IL1RAPL1: variants seen among roughly 807,000 people sequenced by gnomAD.
IL1RAPL1 encodes interleukin 1 receptor accessory protein like 1.
A neutral mutation model predicts 48.4 loss-of-function variants in IL1RAPL1; 3 were observed. The observed-to-expected ratio is 0.06, with a 90% CI of 0.03 to 0.16. IL1RAPL1 has a LOEUF of 0.16. IL1RAPL1 is among the 10% of genes least tolerant of loss of function. IL1RAPL1 has a pLI of 1.00. For missense variants in IL1RAPL1, 349 were observed against 530.6 expected (o/e 0.66, Z 3.36); for synonymous variants, 185 against 187.7 (o/e 0.99, Z 0.12).
intron 2 of IL1RAPL1, among the ~76,000 whole-genome samples, chrX:29,014,948 A>G (rs1003083743): frequency 2.7e-5 from 3 of 111,546 alleles, no homozygotes; most frequent in Non-Finnish European, 5.7e-5. Flanking sequence ...CCAAAGAAAC[A>G]CTGCTTTCAT....
chrX:28,772,546 T>C (rs1936321259), intron 1 of IL1RAPL1, among the ~76,000 whole-genome samples: 1 of 111,767 alleles, frequency 8.9e-6, no homozygotes, highest in South Asian at 3.7e-4. Flanking sequence ...CCCATCATGC[T>C]GTAAAACATT....
In IL1RAPL1 at chrX:29,510,412, A is replaced by T. The variant is rs187701921; in HGVS notation, c.703+111104A>T. Among the ~76,000 whole-genome samples, 5 of 112,467 alleles carry T rather than the reference A, an allele frequency of 4.4e-5. No individual in the cohort carries two copies. In the East Asian group the frequency reaches 1.4e-3, roughly 31 times the overall value. On this transcript the variant is annotated intron_variant, in intron 5 of 10. Coordinates refer to ENST00000378993, the MANE Select transcript of IL1RAPL1 (RefSeq NM_014271.4). ...TTCTAGAGTTTCACATTTTCCAATG[A>T]CACATTATTTTAACTTGTCCATGAA...
intron 2 of IL1RAPL1, among the ~76,000 whole-genome samples, chrX:29,152,840 C>T (rs1355209168): frequency 8.9e-6 from 1 of 112,216 alleles, no homozygotes; most frequent in Non-Finnish European, 1.9e-5. Context: ...TTCCAAATAG[C>T]TTCCCATGAT....
chrX:29,217,468 A>C (rs767209848), intron 2 of IL1RAPL1, among the ~76,000 whole-genome samples: 1 of 111,979 alleles, frequency 8.9e-6, no homozygotes, highest in Admixed American at 9.6e-5. Context: ...CCATTTTGCT[A>C]TTTATTTAGT....
intron 3 of IL1RAPL1, among the ~76,000 whole-genome samples, chrX:29,390,521 A>G (rs1336701000): frequency 9.0e-6 from 1 of 111,555 alleles, no homozygotes; most frequent in Admixed American, 9.5e-5. Context: ...CATTATGAAA[A>G]TGGTATTTCC....
intron 8 of IL1RAPL1, among the ~76,000 whole-genome samples, chrX:29,920,816 A>AAAAG (rs1932840965): frequency 1.0e-5 from 1 of 100,079 alleles, no homozygotes; most frequent in Non-Finnish European, 2.0e-5. Context: ...AAAAAAAAAA[A>AAAAG]AAGAAAAGAA....
intron 5 of IL1RAPL1, among the ~76,000 whole-genome samples, chrX:29,416,835 T>C (rs1934223650): frequency 1.8e-5 from 2 of 111,577 alleles, no homozygotes; most frequent in South Asian, 7.4e-4. Flanking sequence ...TTTAAAAATA[T>C]GACAGAAACC....
At chrX:29,351,270 A>C (rs2147652904) in intron 3 of IL1RAPL1, among the ~76,000 whole-genome samples, 1 of 111,985 alleles carries the variant, frequency 8.9e-6, no homozygotes. Context: ...TTATTTATAT[A>C]AAATAACACT....
chrX:28,874,565 G>C (rs1372942618), intron 2 of IL1RAPL1, among the ~76,000 whole-genome samples: 1 of 111,914 alleles, frequency 8.9e-6, no homozygotes, highest in Non-Finnish European at 1.9e-5. Context: ...CCAAACTTAA[G>C]TGACTATGTG....
chrX:29,030,504 G>C (rs191389845), intron 2 of IL1RAPL1, among the ~76,000 whole-genome samples: 1 of 111,175 alleles, frequency 9.0e-6, no homozygotes, highest in Admixed American at 9.6e-5. Flanking sequence ...TGTTTTGCCT[G>C]TATATGTTTT....
At chrX:28,836,531 T>C (rs940414219) in intron 2 of IL1RAPL1, among the ~76,000 whole-genome samples, 3 of 109,169 alleles carry the variant, frequency 2.7e-5, no homozygotes, top group Non-Finnish European at 5.7e-5. Context: ...AGACCATTTG[T>C]CTAAATTCAT....
intron 6 of IL1RAPL1, among the ~76,000 whole-genome samples, chrX:29,809,592 G>A (rs1032339463): frequency 9.1e-5 from 10 of 110,084 alleles, no homozygotes; most frequent in East Asian, 5.7e-4. Flanking sequence ...ATTCACAAAC[G>A]GGACGTTATC....
intron 2 of IL1RAPL1, among the ~76,000 whole-genome samples, chrX:28,951,727 A>G (rs991574096): frequency 2.7e-5 from 3 of 111,619 alleles, no homozygotes; most frequent in African/African-American, 9.7e-5. Context: ...GACAATTGAG[A>G]AAAATAAAAA....
At chrX:28,789,481 A>G in intron 2 of IL1RAPL1, 56 bp downstream of exon 2, 1 of 823,439 alleles carries the variant, frequency 1.2e-6, no homozygotes, top group Non-Finnish European at 1.8e-6. Flanking sequence ...TGATAGTGCT[A>G]CATCTACACA....
intron 6 of IL1RAPL1, among the ~76,000 whole-genome samples, chrX:29,836,717 ATT>A: frequency 9.1e-6 from 1 of 109,962 alleles, no homozygotes; most frequent in East Asian, 2.9e-4. Flanking sequence ...ACATTGATAG[ATT>A]TTTTTTTCTA....
intron 6 of IL1RAPL1, among the ~76,000 whole-genome samples, chrX:29,879,411 A>AT (rs1342959499): frequency 9.7e-6 from 1 of 103,061 alleles, no homozygotes; most frequent in Non-Finnish European, 2.0e-5. Context: ...ATATATATAT[A>AT]ATATTTGTGT....
intron 2 of IL1RAPL1, among the ~76,000 whole-genome samples, chrX:28,795,181 GAA>G (rs1280450509): frequency 2.7e-5 from 3 of 110,058 alleles, no homozygotes; most frequent in African/African-American, 6.6e-5. Context: ...TTTTTCTCAG[GAA>G]AAAAAATTCT....
chrX:29,513,863 A>G (rs112266972), intron 5 of IL1RAPL1, among the ~76,000 whole-genome samples: 1,980 of 111,999 alleles, frequency 0.018, 63 homozygotes, highest in African/African-American at 0.061. Context: ...TTTTGACTAA[A>G]TTTTATTTAA....
intron 6 of IL1RAPL1, among the ~76,000 whole-genome samples, chrX:29,790,126 C>T (rs1444425438): frequency 9.0e-6 from 1 of 111,042 alleles, no homozygotes; most frequent in Non-Finnish European, 1.9e-5. Flanking sequence ...TTACTCGGTG[C>T]CTTTCTGTTT....
Sources: gnomAD v4.1 joint callset for allele counts (sites outside exome capture counted in the v4.1 genomes callset) on GRCh38, gnomAD v4.1.1 for gene constraint, MANE v1.5 for transcripts, NCBI Gene and HGNC (gene_info 2026-07-23, HGNC 2026-07-21) for gene names.